SYNE1: variants seen among roughly 807,000 people sequenced by gnomAD.
The protein encoded by SYNE1 is nesprin-1.
SYNE1 carries 616 observed loss-of-function variants against 1,111.0 expected under a neutral mutation model. That is an observed-to-expected ratio of 0.55 (90% confidence interval 0.52 to 0.59). The LOEUF (loss-of-function observed/expected upper bound fraction) is 0.59, where lower values mean the gene tolerates loss of function less well. SYNE1 is among the 20% of genes least tolerant of loss of function. The probability of loss-of-function intolerance (pLI) is 0.00; values close to 1 mark genes in which losing one functional copy is unlikely to be tolerated. For synonymous variants in SYNE1, 3,855 were observed against 3,825.8 expected (o/e 1.01, Z -0.28); for missense variants, 10,006 against 10,417.0 (o/e 0.96, Z 1.72).
At chr6:152,176,249 G>A in intron 130 of SYNE1, 145 bp downstream of exon 130, 2 of 1,109,184 alleles carry the variant, frequency 1.8e-6, no homozygotes, top group South Asian at 1.3e-5. Context: ...TGCCACTTAT[G>A]AGAGGAGCAT....
intron 131 of SYNE1, among the ~76,000 whole-genome samples, chr6:152,156,644 T>C (rs1487093221): frequency 6.6e-6 from 1 of 152,296 alleles, no homozygotes; most frequent in Admixed American, 6.5e-5. Flanking sequence ...TTATACTGTA[T>C]TGTTTAGGGA....
rs879403246 is a variant in SYNE1, at chr6:152,434,881, C to G, written c.4311-936G>C. 7 of 152,120 alleles carry G rather than the reference C, an allele frequency of 4.6e-5. No individual in the cohort carries two copies. In the East Asian group the frequency reaches 1.3e-3, roughly 29 times the overall value. The allele number at this position is 152,120 out of a possible 1,614,324, so 9.4% of individuals were successfully genotyped here. A position where few individuals can be genotyped will look rare whatever the true frequency, so the allele number is the denominator to read the frequency against. On this transcript the variant is annotated intron_variant, in intron 33 of 145. Transcript: ENST00000367255. ...ATAATATTGCAGTCTCAAATTTATA[C>G]CCTGAATGTGCCTAATGCTGTCAGC... is the stretch of plus-strand genomic sequence containing the variant.
intron 72 of SYNE1, among the ~76,000 whole-genome samples, chr6:152,348,685 C>G (rs1425525042): frequency 6.8e-6 from 1 of 147,466 alleles, no homozygotes; most frequent in Non-Finnish European, 1.5e-5. Context: ...AACTCTGTCT[C>G]AAAAAAATAA....
Position 152,219,278 on chromosome 6 carries a change from C to T in SYNE1, c.21862-93G>A, listed in dbSNP as rs1287597652. ...AAAGGGCTACACATGTAGAAACACACCATTCCTACGGATCATATTATTAGG... is the reference window on the plus strand; with the variant it reads ...AAAGGGCTACACATGTAGAAACACATCATTCCTACGGATCATATTATTAGG... On this transcript the variant is annotated intron_variant, in intron 119 of 145. Coordinates refer to ENST00000367255, the MANE Select transcript of SYNE1 (RefSeq NM_182961.4). 5.8e-6 allele frequency: 7 copies of T among 1,210,546 alleles called. No homozygotes were observed. In the East Asian group the frequency reaches 1.6e-4, roughly 28 times the overall value. 75.0% of individuals were successfully genotyped at this position (1,210,546 alleles called of 1,614,324 possible).
chr6:152,483,346 A>T, intron 13 of SYNE1, 97 bp from the exon 14 acceptor site: 1 of 1,040,450 alleles, frequency 9.6e-7, no homozygotes, highest in Non-Finnish European at 1.5e-6. Flanking sequence ...TAAAGCTTTA[A>T]GTTAATGATT....
chr6:152,353,645 C>A lies in SYNE1; in HGVS notation c.11026G>T (p.Gly3676Cys), dbSNP rs748399677. The A allele has an allele frequency of 4.3e-6, 7 of 1,614,070 alleles. No homozygotes were observed. The highest frequency in any genetic ancestry group is 8.5e-7 in the Non-Finnish European group (1 of 1,180,046). ...LDESHVNSRM[G>C]CQATQLTSRY... is the part of the protein sequence containing the mutation. The stretch of plus-strand genomic sequence containing the variant: ...GAAGTCAGCTGGGTGGCCTGGCAAC[C>A]CATTCTGCTGTTCACGTGGCTCTCG... The change falls in exon 68 of 146, where the codon GGT (glycine) becomes TGT (cysteine). Residue 3676 changes from glycine (G) to cysteine (C), a missense_variant. Physicochemically the swap from Gly to Cys is radical, Grantham distance 159. This residue lies in a region of SYNE1 where 4,955 missense variants were observed against 5,017.2 expected (regional missense o/e 0.99). Coordinates refer to ENST00000367255, the MANE Select transcript of SYNE1 (RefSeq NM_182961.4).
chr6:152,620,845 A>T (rs908745795), intron 3 of SYNE1, among the ~76,000 whole-genome samples: 1 of 152,216 alleles, frequency 6.6e-6, no homozygotes, highest in Non-Finnish European at 1.5e-5. Context: ...ATGCTAGACA[A>T]TATGTAGGGC....
chr6:152,208,266 T>C (rs987109615), intron 124 of SYNE1, 60 bp from the exon 125 acceptor site: 1 of 1,467,724 alleles, frequency 6.8e-7, no homozygotes. Flanking sequence ...AGTTACGCAA[T>C]CAGCCAATGT....
intron 91 of SYNE1, 51 bp from the exon 92 acceptor site, chr6:152,302,114 C>A: frequency 6.2e-7 from 1 of 1,611,556 alleles, no homozygotes; most frequent in Non-Finnish European, 8.5e-7. Flanking sequence ...CAAAAGGAAA[C>A]AGAAGTAGTA....
chr6:152,418,637 T>C (rs898612711), intron 40 of SYNE1, among the ~76,000 whole-genome samples: 2 of 152,208 alleles, frequency 1.3e-5, no homozygotes, highest in African/African-American at 4.8e-5. Context: ...CTTTGGACTT[T>C]AAACTGAGAG....
intron 137 of SYNE1, chr6:152,145,079 G>A (rs1011080966): frequency 6.7e-6 from 2 of 298,796 alleles, no homozygotes; most frequent in Non-Finnish European, 1.3e-5. Context: ...ACTCATGCAG[G>A]CTGGCGGACT....
chr6:152,340,069 A>T (rs527266692), intron 74 of SYNE1, among the ~76,000 whole-genome samples: 1 of 152,346 alleles, frequency 6.6e-6, no homozygotes, highest in East Asian at 1.9e-4. Flanking sequence ...GATGTTTAGT[A>T]GTTTTAAATA....
At chr6:152,283,195 G>C (rs2094132982) in intron 96 of SYNE1, among the ~76,000 whole-genome samples, 1 of 152,120 alleles carries the variant, frequency 6.6e-6, no homozygotes, top group Admixed American at 6.5e-5. Context: ...GCCCAAATTT[G>C]TCTCTATATT....
At chr6:152,149,351 C>A in intron 136 of SYNE1, 126 bp downstream of exon 136, 2 of 1,126,450 alleles carry the variant, frequency 1.8e-6, no homozygotes, top group South Asian at 1.3e-5. Flanking sequence ...TAGGACAAAG[C>A]TAGGACTTGA....
chr6:152,587,057 T>G (rs945001363), intron 3 of SYNE1, among the ~76,000 whole-genome samples: 1 of 152,190 alleles, frequency 6.6e-6, no homozygotes, highest in Admixed American at 6.5e-5. Context: ...ACCATTTCGC[T>G]TATCTTTAGA....
At chr6:152,125,564 C>T (rs532458047) in intron 145 of SYNE1, 1 of 541,450 alleles carries the variant, frequency 1.8e-6, no homozygotes, top group Non-Finnish European at 3.0e-6. Flanking sequence ...AAATTTTCTT[C>T]AAAACATCCT....
At chr6:152,476,174 ACTT>A (rs2098833241) in intron 14 of SYNE1, among the ~76,000 whole-genome samples, 1 of 152,126 alleles carries the variant, frequency 6.6e-6, no homozygotes, top group Non-Finnish European at 1.5e-5. Flanking sequence ...TCCAAGCTGT[ACTT>A]CTTCCCTGAG....
chr6:152,275,895 A>C (rs2093588651), intron 98 of SYNE1, among the ~76,000 whole-genome samples: 1 of 146,432 alleles, frequency 6.8e-6, no homozygotes, highest in Non-Finnish European at 1.5e-5. Context: ...AAAAAAAAAC[A>C]AAAAAAAATC....
At chr6:152,239,049 G>A (rs1317238644) in intron 108 of SYNE1, among the ~76,000 whole-genome samples, 1 of 151,536 alleles carries the variant, frequency 6.6e-6, no homozygotes, top group Non-Finnish European at 1.5e-5. Flanking sequence ...AGGCACCCAC[G>A]ACGACGTCCG....
Sources: gnomAD v4.1 joint callset for allele counts (sites outside exome capture counted in the v4.1 genomes callset) on GRCh38, gnomAD v4.1.1 for gene constraint, gnomAD v4.1.1 regional missense constraint, MANE v1.5 for transcripts, NCBI Gene and HGNC (gene_info 2026-07-23, HGNC 2026-07-21) for gene names.